SLC41A3: variants seen among roughly 807,000 people sequenced by gnomAD.
The protein encoded by SLC41A3 is SLC41A1-like 2.
Under a neutral mutation model 45.4 loss-of-function variants are expected in SLC41A3, and 44 were observed. The ratio of observed to expected loss-of-function variants is 0.97; its 90% CI spans 0.76 to 1.25. The LOEUF (loss-of-function observed/expected upper bound fraction) is 1.25, where lower values mean the gene tolerates loss of function less well. Among genes scored for constraint, SLC41A3 ranks in the 50% most tolerant of loss-of-function variants. SLC41A3 has a pLI of 0.00. For missense variants in SLC41A3, 550 were observed against 600.6 expected, an observed-to-expected ratio of 0.92 and a Z score of 0.88; for synonymous variants, 256 against 252.4, an observed-to-expected ratio of 1.01 and a Z score of -0.13.
intron 2 of SLC41A3, among the ~76,000 whole-genome samples, chr3:126,063,366 T>G (rs1944171740): frequency 6.6e-6 from 1 of 151,624 alleles, no homozygotes; most frequent in Non-Finnish European, 1.5e-5. Flanking sequence ...CGGTGGGAGC[T>G]ATAGGCTTCA....
intron 9 of SLC41A3, among the ~76,000 whole-genome samples, chr3:126,009,297 G>A (rs562054314): frequency 2.2e-4 from 33 of 152,312 alleles, no homozygotes; most frequent in Non-Finnish European, 4.1e-4. Context: ...GGGGCTTAAG[G>A]AGGAAAAGAG....
intron 4 of SLC41A3, among the ~76,000 whole-genome samples, chr3:126,027,341 T>G (rs1941446754): frequency 6.7e-6 from 1 of 149,288 alleles, no homozygotes; most frequent in Admixed American, 6.8e-5. Flanking sequence ...TGGCACCTCG[T>G]TCCTCTCTCT....
chr3:126,018,118 G>A (rs909881883), intron 6 of SLC41A3, among the ~76,000 whole-genome samples: 7 of 152,084 alleles, frequency 4.6e-5, no homozygotes, highest in African/African-American at 1.7e-4. Context: ...ACACCTCAGC[G>A]GGTCAAGATT....
Position 126,054,661 on chromosome 3 carries a change from CCTT to C in SLC41A3, c.274-3614_274-3612del, listed in dbSNP as rs1943546754. Among the ~76,000 whole-genome samples the C allele has an allele frequency of 4.6e-5, 3 of 65,270 alleles. No individual in the cohort carries two copies. In the East Asian group the frequency reaches 2.5e-3, roughly 54 times the overall value. 42.8% of individuals were successfully genotyped at this position (65,270 alleles called of 152,430 possible). A position where few individuals can be genotyped will look rare whatever the true frequency, so the allele number is the denominator to read the frequency against. ...GGGCATCCTGGAAATTGCTACATTA[CCTT>C]TAAAGTCCAAATCAAATTGTCCTGC... is the stretch of plus-strand genomic sequence containing the variant. On this transcript the variant is annotated intron_variant, in intron 2 of 10. Coordinates refer to ENST00000360370, the MANE Select transcript of SLC41A3 (RefSeq NM_017836.4).
chr3:126,032,836 C>T (rs1322132426), intron 4 of SLC41A3, among the ~76,000 whole-genome samples: 1 of 152,180 alleles, frequency 6.6e-6, no homozygotes, highest in Non-Finnish European at 1.5e-5. Flanking sequence ...AAACAATGGG[C>T]TGATCTGATC....
chr3:126,087,706 A>T (rs1443786003), upstream of SLC41A3, among the ~76,000 whole-genome samples: 1 of 152,042 alleles, frequency 6.6e-6, no homozygotes, highest in Non-Finnish European at 1.5e-5. Flanking sequence ...AGGTTGTTCA[A>T]GAAAGATATT....
intron 1 of SLC41A3, among the ~76,000 whole-genome samples, chr3:126,094,838 A>G (rs1945562326): frequency 6.6e-6 from 1 of 152,236 alleles, no homozygotes; most frequent in Non-Finnish European, 1.5e-5. Flanking sequence ...ACTGTTTTTG[A>G]TATGCCTATT....
intron 1 of SLC41A3, among the ~76,000 whole-genome samples, chr3:126,099,624 C>T (rs981305607): frequency 2.6e-5 from 4 of 152,066 alleles, no homozygotes; most frequent in Non-Finnish European, 4.4e-5. Context: ...CGCTTGAACC[C>T]GAGAGGGGGA....
chr3:126,058,973 A>T (rs973081883), intron 2 of SLC41A3, among the ~76,000 whole-genome samples: 1 of 151,690 alleles, frequency 6.6e-6, no homozygotes, highest in Non-Finnish European at 1.5e-5. Flanking sequence ...AGAATTCCCA[A>T]CGTACTCTCT....
chr3:126,012,778 C>T (rs1939856829), intron 8 of SLC41A3, 29 bp from the exon 9 acceptor site: 12 of 1,613,360 alleles, frequency 7.4e-6, no homozygotes, highest in Non-Finnish European at 1.0e-5. Flanking sequence ...TCTGTTTTCC[C>T]TTTCTTTACG....
intron 2 of SLC41A3, among the ~76,000 whole-genome samples, chr3:126,055,032 C>T (rs758214647): frequency 2.0e-5 from 3 of 151,970 alleles, no homozygotes; most frequent in South Asian, 2.1e-4. Context: ...TGGGAGGCAT[C>T]GTGAGCTCAG....
chr3:126,015,465 GA>G (rs1580398274), intron 8 of SLC41A3, 28 bp downstream of exon 8: 1 of 1,612,134 alleles, frequency 6.2e-7, no homozygotes, highest in Non-Finnish European at 8.5e-7. Context: ...CCAACCCAGG[GA>G]CCACATGGGA....
rs1169841153 is a variant in SLC41A3 at position 126,026,336 on chromosome 3, C to T, written c.597G>A (p.Leu199=). The change falls in exon 5 of 11, where the codon CTG becomes CTA. Residue 199 remains leucine, a splice_region_variant and synonymous_variant. Transcript: ENST00000360370. This position sits in a 1 kb window ranked among gnomAD's most constrained non-coding sequence, Gnocchi z 4.2. ...VLTAFLAAFA[L]GVLMVCIVIG... is the part of the protein sequence containing the mutation. ...GCTCACAGCTGGGGCATGGCTCACC[C>T]AGGGCAAAGGCTGCAAGGAAGGCAG... is the stretch of plus-strand genomic sequence containing the variant. 6.4e-7 allele frequency: 1 copy of T among 1,560,274 alleles called. No homozygotes were observed. The highest frequency in any genetic ancestry group is 2.4e-5 in the East Asian group (1 of 41,962).
At chr3:126,033,166 C>T (rs1317714096) in intron 4 of SLC41A3, among the ~76,000 whole-genome samples, 1 of 152,058 alleles carries the variant, frequency 6.6e-6, no homozygotes, top group Non-Finnish European at 1.5e-5. Flanking sequence ...AGGAGCAGAG[C>T]CAAGGGAGGA....
At chr3:126,012,771 G>GT (rs1291234196) in intron 8 of SLC41A3, 22 bp from the exon 9 acceptor site, 8 of 1,613,602 alleles carry the variant, frequency 5.0e-6, no homozygotes, top group Non-Finnish European at 6.8e-6. Flanking sequence ...AAAGGAATCT[G>GT]TTTTCCCTTT....
chr3:126,012,478 G>A, intron 9 of SLC41A3, 137 bp downstream of exon 9: 1 of 1,124,000 alleles, frequency 8.9e-7, no homozygotes, highest in Non-Finnish European at 1.3e-6. Flanking sequence ...CTCATTTCTG[G>A]GGCCCTGAAG....
At chr3:126,011,125 G>C (rs113017718) in intron 9 of SLC41A3, among the ~76,000 whole-genome samples, 1 of 152,070 alleles carries the variant, frequency 6.6e-6, no homozygotes, top group African/African-American at 2.4e-5. Flanking sequence ...CCTGAAAGCC[G>C]TTCTAATGAA....
At chr3:126,056,939 C>T (rs1404847801) in intron 2 of SLC41A3, 3 of 1,087,292 alleles carry the variant, frequency 2.8e-6, no homozygotes, top group East Asian at 6.5e-5. Flanking sequence ...GCAGGCTGGT[C>T]CATACTGGCT....
At chr3:126,030,717 C>T (rs1183751325) in intron 4 of SLC41A3, among the ~76,000 whole-genome samples, 2 of 151,894 alleles carry the variant, frequency 1.3e-5, no homozygotes, top group Non-Finnish European at 2.9e-5. Flanking sequence ...ACAGGTAGGT[C>T]GGTGGGTGAG....
Sources: allele counts gnomAD v4.1 joint callset (sites outside exome capture counted in the v4.1 genomes callset), GRCh38; gene constraint gnomAD v4.1.1; non-coding constraint Gnocchi (gnomAD v3.1); transcripts MANE v1.5; gene names NCBI Gene and HGNC (gene_info 2026-07-23, HGNC 2026-07-21).